Variants in RRAS2 observed in about 807,000 individuals in gnomAD.
The protein encoded by RRAS2 is ras-related protein R-Ras2.
RRAS2 carries 7 observed loss-of-function variants against 27.6 expected under a neutral mutation model. That is an observed-to-expected ratio of 0.25 (90% CI 0.14 to 0.48). RRAS2 has a LOEUF of 0.48. Among genes scored for constraint, RRAS2 ranks in the 20% least tolerant of loss-of-function variants. The probability of loss-of-function intolerance (pLI) is 0.99; values close to 1 mark genes in which losing one functional copy is unlikely to be tolerated. For missense variants in RRAS2, 178 were observed against 256.2 expected (o/e 0.69, Z 2.08); for synonymous variants, 86 against 90.9 (o/e 0.95, Z 0.31).
intron 4 of RRAS2, among the ~76,000 whole-genome samples, chr11:14,290,389 C>CA (rs1554945646): frequency 6.6e-6 from 1 of 152,170 alleles, no homozygotes; most frequent in African/African-American, 2.4e-5. Context: ...GTGGATGTTG[C>CA]AGTGAGCGGA....
At position 14,278,099 on chromosome 11, in the gene RRAS2, C is replaced by T. The variant is rs1849424886; in HGVS notation, c.*1238G>A. 6.6e-6 allele frequency: 1 copy of T among 152,178 alleles called. No individual in the cohort carries two copies. Among genetic ancestry groups the T allele is most frequent in the African/African-American group, 2.4e-5 (1 of 41,454 alleles). 9.4% of individuals were successfully genotyped at this position (152,178 alleles called of 1,614,324 possible). A position where few individuals can be genotyped will look rare whatever the true frequency, so the allele number is the denominator to read the frequency against. On this transcript the variant is annotated 3_prime_UTR_variant, in exon 6 of 6. Coordinates refer to ENST00000256196, the MANE Select transcript of RRAS2 (RefSeq NM_012250.6). ...TAAACACAATCCACAGAATTAAAAACAAAATCAGATGCCATCCACAGTTAT... is the reference window on the plus strand; with the variant it reads ...TAAACACAATCCACAGAATTAAAAATAAAATCAGATGCCATCCACAGTTAT...
chr11:14,330,013 T>TA (rs1355333636), intron 1 of RRAS2, among the ~76,000 whole-genome samples: 1 of 152,162 alleles, frequency 6.6e-6, no homozygotes, highest in African/African-American at 2.4e-5. Context: ...AGTTCGAGCC[T>TA]ATAGTAAGCT....
chr11:14,296,610 A>T (rs1429318084), intron 1 of RRAS2, among the ~76,000 whole-genome samples: 2 of 152,212 alleles, frequency 1.3e-5, no homozygotes, highest in Non-Finnish European at 2.9e-5. Flanking sequence ...GAGGCCTGGA[A>T]CATTTCATCT....
chr11:14,358,831 T>C lies in RRAS2; in HGVS notation c.40A>G (p.Lys14Glu). Residue 14 changes from lysine (K) to glutamate (E), a missense_variant, in exon 1 of 6, where the codon AAG (lysine) becomes GAG (glutamate). Coordinates refer to ENST00000256196, the MANE Select transcript of RRAS2 (RefSeq NM_012250.6). This position sits in a 1 kb window ranked among gnomAD's most constrained non-coding sequence, Gnocchi z 5.1. The part of the protein sequence containing the change: ...AGWRDGSGQE[K>E]YRLVVVGGGG... ...CCGCCGACCACCACGAGCCGGTACT[T>C]CTCCTGGCCGGAGCCGTCCCGCCAG... The C allele has an allele frequency of 6.7e-7, 1 of 1,491,176 alleles. No homozygotes were observed. The highest frequency in any genetic ancestry group is 9.0e-7 in the Non-Finnish European group (1 of 1,114,060). The allele number at this position is 1,491,176 out of a possible 1,614,324, so 92.4% of individuals were successfully genotyped here. A position where few individuals can be genotyped will look rare whatever the true frequency, so the allele number is the denominator to read the frequency against.
chr11:14,331,195 T>C (rs1283909623), intron 1 of RRAS2, among the ~76,000 whole-genome samples: 1 of 152,194 alleles, frequency 6.6e-6, no homozygotes, highest in African/African-American at 2.4e-5. Context: ...CAAGTTTCTG[T>C]GAACCTAGAA....
At chr11:14,308,835 G>C (rs571527074) in intron 1 of RRAS2, among the ~76,000 whole-genome samples, 1 of 152,294 alleles carries the variant, frequency 6.6e-6, no homozygotes, top group Admixed American at 6.5e-5. Flanking sequence ...TAAAGAGCAT[G>C]TATTTTAGAG....
At chr11:14,314,162 A>G (rs781893509) in intron 1 of RRAS2, among the ~76,000 whole-genome samples, 12 of 152,240 alleles carry the variant, frequency 7.9e-5, no homozygotes, top group Non-Finnish European at 1.3e-4. Context: ...TAAATTGTTC[A>G]AATAATGTCC....
At chr11:14,338,822 T>TA (rs1413730667) in intron 1 of RRAS2, among the ~76,000 whole-genome samples, 1 of 150,062 alleles carries the variant, frequency 6.7e-6, no homozygotes, top group Non-Finnish European at 1.5e-5. Context: ...CAAATTCTGA[T>TA]TTTTTTTTTC....
rs1393443297 is a variant in RRAS2 at position 14,278,158 on chromosome 11, T to C, written c.*1179A>G. ...TCCATTAAAAGCTTACACTTAATACTTGAAATAACAATCAATATCTAGCAG... is the reference window on the plus strand; with the variant it reads ...TCCATTAAAAGCTTACACTTAATACCTGAAATAACAATCAATATCTAGCAG... On this transcript the variant is annotated 3_prime_UTR_variant, in exon 6 of 6. Coordinates refer to ENST00000256196, the MANE Select transcript of RRAS2 (RefSeq NM_012250.6). The C allele has an allele frequency of 1.3e-5, 2 of 152,234 alleles. No individual in the cohort carries two copies. Among genetic ancestry groups the C allele is most frequent in the Non-Finnish European group, 2.9e-5 (2 of 68,040 alleles). 9.4% of individuals were successfully genotyped at this position (152,234 alleles called of 1,614,324 possible). A position where few individuals can be genotyped will look rare whatever the true frequency, so the allele number is the denominator to read the frequency against.
At chr11:14,320,421 G>C (rs1169195537) in intron 1 of RRAS2, among the ~76,000 whole-genome samples, 1 of 152,208 alleles carries the variant, frequency 6.6e-6, no homozygotes, top group Admixed American at 6.5e-5. Flanking sequence ...TCTGAGACGG[G>C]AAAGTAATCA....
rs546307385 is a variant in RRAS2, at chr11:14,302,007, C to G, written c.109-6152G>C. On this transcript the variant is annotated intron_variant, in intron 1 of 5. Transcript: ENST00000256196. Reference sequence around the variant, plus strand: ...AAAATTAAAATAAATAAATAAAATTCATAAAATTTCAAATTTCTCATTCCC... The same window carrying G: ...AAAATTAAAATAAATAAATAAAATTGATAAAATTTCAAATTTCTCATTCCC... Among the ~76,000 whole-genome samples, 4 of 149,322 alleles carry G rather than the reference C, an allele frequency of 2.7e-5. No homozygotes were observed. In the East Asian group the frequency reaches 6.0e-4, roughly 23 times the overall value.
intron 1 of RRAS2, among the ~76,000 whole-genome samples, chr11:14,296,181 A>G (rs1554946597): frequency 6.6e-6 from 1 of 151,994 alleles, no homozygotes; most frequent in African/African-American, 2.4e-5. Context: ...CCCTGTCTCA[A>G]AAATAAAAAT....
Position 14,310,602 on chromosome 11 carries a change from AT to A in RRAS2, c.109-14748del, listed in dbSNP as rs573347850. ...CAGTGACAGCAAGCACTTACATGACATTTACTATATACCAGGCACTGCTCTC... is the reference window on the plus strand; with the variant it reads ...CAGTGACAGCAAGCACTTACATGACATTACTATATACCAGGCACTGCTCTC... On this transcript the variant is annotated intron_variant, in intron 1 of 5. Coordinates refer to ENST00000256196, the MANE Select transcript of RRAS2 (RefSeq NM_012250.6). Among the ~76,000 whole-genome samples the A allele has an allele frequency of 4.6e-5, 7 of 152,308 alleles. 1 individual carries two copies. The South Asian group carries it at 1.5e-3, about 32-fold the overall frequency.
chr11:14,341,759 T>G (rs1554953300), intron 1 of RRAS2: 1 of 450,006 alleles, frequency 2.2e-6, no homozygotes, highest in African/African-American at 2.0e-5. Flanking sequence ...CTTAATTAAC[T>G]ATAAAATACC....
chr11:14,288,562 A>G (rs1342995165), intron 4 of RRAS2, among the ~76,000 whole-genome samples: 1 of 152,230 alleles, frequency 6.6e-6, no homozygotes, highest in Non-Finnish European at 1.5e-5. Flanking sequence ...CTCAACCCAG[A>G]TAATTTCATA....
chr11:14,359,676 G>T (rs1554956006), upstream of RRAS2, among the ~76,000 whole-genome samples: 1 of 152,224 alleles, frequency 6.6e-6, no homozygotes, highest in Non-Finnish European at 1.5e-5. Flanking sequence ...GATTGAGCTT[G>T]CATGGGCAAG....
intron 1 of RRAS2, among the ~76,000 whole-genome samples, chr11:14,348,177 T>A (rs1222969788): frequency 1.3e-5 from 2 of 152,204 alleles, no homozygotes; most frequent in African/African-American, 4.8e-5. Flanking sequence ...AAAGACAAGA[T>A]CTCATTAGCA....
intron 1 of RRAS2, among the ~76,000 whole-genome samples, chr11:14,334,973 C>T (rs547664960): frequency 3.3e-5 from 5 of 152,226 alleles, no homozygotes; most frequent in South Asian, 2.1e-4. Context: ...GCCCATCCAG[C>T]GGTCTGGCTT....
intron 1 of RRAS2, among the ~76,000 whole-genome samples, chr11:14,351,894 CAAAAAA>C (rs35089298): frequency 1.8e-5 from 2 of 113,334 alleles, no homozygotes; most frequent in Admixed American, 9.6e-5. Context: ...GACTCCGTCT[CAAAAAA>C]AAAAAAAAAA....
Sources: allele counts gnomAD v4.1 joint callset (sites outside exome capture counted in the v4.1 genomes callset), GRCh38; gene constraint gnomAD v4.1.1; non-coding constraint Gnocchi (gnomAD v3.1); transcripts MANE v1.5; gene names NCBI Gene and HGNC (gene_info 2026-07-23, HGNC 2026-07-21).